The following MAP2K5 variants were observed in gnomAD, a reference collection of about 807,000 sequenced individuals.
MAP2K5 encodes the protein mitogen-activated protein kinase kinase 5, also known as dual specificity mitogen-activated protein kinase kinase 5.
Under a neutral mutation model 83.1 loss-of-function variants are expected in MAP2K5, and 49 were observed. The ratio of observed to expected loss-of-function variants is 0.59; its 90% CI spans 0.47 to 0.75. MAP2K5 has a LOEUF of 0.75. MAP2K5 is among the 30% of genes least tolerant of loss of function. The pLI is 0.00. For synonymous variants in MAP2K5, 202 were observed against 191.8 expected, an observed-to-expected ratio of 1.05 and a Z score of -0.44; for missense variants, 457 against 557.5, an observed-to-expected ratio of 0.82 and a Z score of 1.82.
At position 67,719,682 on chromosome 15, in the gene MAP2K5, A is replaced by G. The variant is rs930679717; in HGVS notation, c.1045-8234A>G. 1.3e-5 allele frequency among the ~76,000 whole-genome samples: 2 copies of G among 152,224 alleles called. No individual in the cohort carries two copies. Among genetic ancestry groups the G allele is most frequent in the Non-Finnish European group, 2.9e-5 (2 of 68,040 alleles). ...AGAGGAGAAAAGGAGGAACAATTTG[A>G]ATCAAGTCCTGAAAGAATAGGTAGG... On this transcript the variant is annotated intron_variant, in intron 16 of 21. Transcript: ENST00000178640. The surrounding 1 kb of genome is among the most constrained non-coding windows in gnomAD (Gnocchi z 4.6).
At position 67,637,471 on chromosome 15, in the gene MAP2K5, G is replaced by T. The variant is rs1454971914; in HGVS notation, c.585+6544G>T. ...TACTCTACCTGGTGCCTTGCAAATT[G>T]CAAGGTTTTTCCACACTGACTGGTG... On this transcript the variant is annotated intron_variant, in intron 9 of 21. Coordinates refer to ENST00000178640, the MANE Select transcript of MAP2K5 (RefSeq NM_145160.3). The surrounding 1 kb of genome is among the most constrained non-coding windows in gnomAD (Gnocchi z 4.5). Among the ~76,000 whole-genome samples, 2 of 152,116 alleles carry T rather than the reference G, an allele frequency of 1.3e-5. No individual in the cohort carries two copies. Among genetic ancestry groups the T allele is most frequent in the Non-Finnish European group, 2.9e-5 (2 of 68,006 alleles).
chr15:67,634,570 A>G (rs1230920034), intron 9 of MAP2K5, among the ~76,000 whole-genome samples: 1 of 151,978 alleles, frequency 6.6e-6, no homozygotes, highest in Non-Finnish European at 1.5e-5. Context: ...TGTGGCCTAC[A>G]GTTCTGTTAT....
chr15:67,740,227 G>A (rs1834222248), intron 17 of MAP2K5, among the ~76,000 whole-genome samples: 1 of 152,174 alleles, frequency 6.6e-6, no homozygotes, highest in Non-Finnish European at 1.5e-5. Context: ...GCCTGGCATA[G>A]CATAAGGACT....
Position 67,703,381 on chromosome 15 carries a change from C to T in MAP2K5, c.1017C>T (p.Val339=), listed in dbSNP as rs1445458141. 1 of 1,613,548 alleles carries T rather than the reference C, an allele frequency of 6.2e-7. No individual in the cohort carries two copies. Among genetic ancestry groups the T allele is most frequent in the Non-Finnish European group, 8.5e-7 (1 of 1,179,682 alleles). ...AGCAGTATGGAATTCATTCTGATGT[C>T]TGGAGCTTAGGAATCTCTTTTATGG... is the stretch of plus-strand genomic sequence containing the variant. ...SGEQYGIHSD[V]WSLGISFMEL... The change falls in exon 16 of 22, where the codon GTC becomes GTT. Residue 339 remains valine (V), a synonymous_variant. Coordinates refer to ENST00000178640, the MANE Select transcript of MAP2K5 (RefSeq NM_145160.3).
chr15:67,663,353 A>G (rs2087286016), intron 12 of MAP2K5, among the ~76,000 whole-genome samples: 3 of 152,176 alleles, frequency 2.0e-5, no homozygotes, highest in African/African-American at 7.2e-5. Context: ...ATGTCTCTCT[A>G]ATGCCTCAGT....
At chr15:67,671,924 G>T in intron 13 of MAP2K5, among the ~76,000 whole-genome samples, 1 of 150,018 alleles carries the variant, frequency 6.7e-6, no homozygotes, top group South Asian at 2.1e-4. Flanking sequence ...TTGGTTTTTT[G>T]TCCTCATGAT....
chr15:67,748,315 T>C lies in MAP2K5; in HGVS notation c.1101+58T>C. On this transcript the variant is annotated intron_variant, in intron 18 of 21. Coordinates refer to ENST00000178640, the MANE Select transcript of MAP2K5 (RefSeq NM_145160.3). The surrounding 1 kb of genome is among the most constrained non-coding windows in gnomAD (Gnocchi z 4.0). ...TTTCTTTTTCCTGATGGCTGCTTCC[T>C]TTGCATGCTTGAATGCCTTGTTTTA... 2 of 1,409,110 alleles carry C rather than the reference T, an allele frequency of 1.4e-6. No homozygotes were observed. Among genetic ancestry groups the C allele is most frequent in the Non-Finnish European group, 1.0e-6 (1 of 997,076 alleles). The allele number at this position is 1,409,110 out of a possible 1,614,324, so 87.3% of individuals were successfully genotyped here. A position where few individuals can be genotyped will look rare whatever the true frequency, so the allele number is the denominator to read the frequency against.
chr15:67,748,515 G>T lies in MAP2K5; in HGVS notation c.1102-54G>T. 1 of 1,528,850 alleles carries T rather than the reference G, an allele frequency of 6.5e-7. No individual in the cohort carries two copies. The highest frequency in any genetic ancestry group is 9.0e-7 in the Non-Finnish European group (1 of 1,107,186). The allele number at this position is 1,528,850 out of a possible 1,614,324, so 94.7% of individuals were successfully genotyped here. A position where few individuals can be genotyped will look rare whatever the true frequency, so the allele number is the denominator to read the frequency against. On this transcript the variant is annotated intron_variant, in intron 18 of 21. Coordinates refer to ENST00000178640, the MANE Select transcript of MAP2K5 (RefSeq NM_145160.3). This position sits in a 1 kb window ranked among gnomAD's most constrained non-coding sequence, Gnocchi z 4.0. ...AATGATTTTTTCTTTCCACTCCACT[G>T]TAAAGATATTGCATAGAGGCTAATA...
At chr15:67,629,183 G>C in intron 8 of MAP2K5, 1 of 682,660 alleles carries the variant, frequency 1.5e-6, no homozygotes, top group Non-Finnish European at 2.7e-6. Context: ...CTAGAGAAGT[G>C]ACGGGGAAGC....
chr15:67,550,066 A>C lies in MAP2K5; in HGVS notation c.168A>C (p.Thr56=). ...TAGGCCAGGTTCTGCCTGAAGCAAC[A>C]ACTACAGCATTTGAATGTAAGTCTG... ...DVIGQVLPEA[T]TTAFEYEDED... is the part of the protein sequence containing the mutation. The change falls in exon 2 of 22, where the codon ACA becomes ACC. Residue 56 remains threonine (T), a synonymous_variant. Transcript: ENST00000178640. The C allele has an allele frequency of 6.2e-7, 1 of 1,613,758 alleles. No individual in the cohort carries two copies. Among genetic ancestry groups the C allele is most frequent in the Non-Finnish European group, 8.5e-7 (1 of 1,179,718 alleles).
chr15:67,788,537 A>G (rs2090458395), intron 21 of MAP2K5, among the ~76,000 whole-genome samples: 1 of 152,264 alleles, frequency 6.6e-6, no homozygotes, highest in Non-Finnish European at 1.5e-5. Context: ...AATAGTGACC[A>G]ATTTACTGTT....
Position 67,758,719 on chromosome 15 carries a change from G to T in MAP2K5, c.1134+10118G>T, listed in dbSNP as rs187896171. 6.6e-6 allele frequency among the ~76,000 whole-genome samples: 1 copy of T among 152,196 alleles called. No homozygotes were observed. Among genetic ancestry groups the T allele is most frequent in the East Asian group, 1.9e-4 (1 of 5,184 alleles). On this transcript the variant is annotated intron_variant, in intron 19 of 21. Transcript: ENST00000178640. The surrounding 1 kb of genome is among the most constrained non-coding windows in gnomAD (Gnocchi z 4.7). ...TCTCTACCAGAATTCAGAAGTCTAAGCCTTAACCTTTGTGGTTTACACAGT... is the reference window on the plus strand; with the variant it reads ...TCTCTACCAGAATTCAGAAGTCTAATCCTTAACCTTTGTGGTTTACACAGT...
intron 11 of MAP2K5, among the ~76,000 whole-genome samples, chr15:67,656,908 CT>C (rs1238497665): frequency 1.3e-5 from 2 of 152,130 alleles, no homozygotes; most frequent in Non-Finnish European, 2.9e-5. Context: ...ATAAGAATTA[CT>C]GAATTGCAGA....
In MAP2K5 at chr15:67,550,020, C is replaced by G; in HGVS notation, c.136-14C>G. 6.2e-7 allele frequency: 1 copy of G among 1,608,246 alleles called. No individual in the cohort carries two copies. The highest frequency in any genetic ancestry group is 8.5e-7 in the Non-Finnish European group (1 of 1,174,954). ...AGATGGCTAATTGTGTTTCTTTATT[C>G]TTTCTTTGTTTAGGATGTGATAGGC... is the stretch of plus-strand genomic sequence containing the variant. On this transcript the variant is annotated splice_polypyrimidine_tract_variant and intron_variant, in intron 1 of 21. Coordinates refer to ENST00000178640, the MANE Select transcript of MAP2K5 (RefSeq NM_145160.3).
chr15:67,583,013 AT>A (rs774111975), intron 4 of MAP2K5, among the ~76,000 whole-genome samples: 34 of 152,054 alleles, frequency 2.2e-4, no homozygotes, highest in Non-Finnish European at 4.4e-4. Flanking sequence ...AATCACAACC[AT>A]TTTTAGATGT....
At chr15:67,745,830 A>G (rs1484850516) in intron 17 of MAP2K5, among the ~76,000 whole-genome samples, 1 of 152,234 alleles carries the variant, frequency 6.6e-6, no homozygotes, top group Non-Finnish European at 1.5e-5. Flanking sequence ...GATATAAGTC[A>G]CTGCATTGTG....
chr15:67,806,568 T>C (rs2090812277), intron 21 of MAP2K5, 78 bp from the exon 22 acceptor site: 1 of 1,265,110 alleles, frequency 7.9e-7, no homozygotes, highest in Non-Finnish European at 1.1e-6. Context: ...AGATCCAGGC[T>C]GAGGGCAGGC....
intron 8 of MAP2K5, chr15:67,629,199 G>A (rs2086403512): frequency 1.5e-6 from 1 of 657,026 alleles, no homozygotes; most frequent in African/African-American, 1.8e-5. Flanking sequence ...GAAGCTACAG[G>A]TTACAACAGA....
chr15:67,778,507 G>A lies in MAP2K5; in HGVS notation c.1242+5755G>A, dbSNP rs1180042054. The stretch of plus-strand genomic sequence containing the variant: ...ATTTTATTTAGGGCTATTGCAGTAG[G>A]GAGAGTGTTTATTAATGAGGAATGG... On this transcript the variant is annotated intron_variant, in intron 21 of 21. Transcript: ENST00000178640. The surrounding 1 kb of genome is among the most constrained non-coding windows in gnomAD (Gnocchi z 5.0). Among the ~76,000 whole-genome samples the A allele has an allele frequency of 6.6e-6, 1 of 152,180 alleles. No individual in the cohort carries two copies. Among genetic ancestry groups the A allele is most frequent in the African/African-American group, 2.4e-5 (1 of 41,434 alleles).
Sources: allele counts gnomAD v4.1 joint callset (sites outside exome capture counted in the v4.1 genomes callset), GRCh38; gene constraint gnomAD v4.1.1; non-coding constraint Gnocchi (gnomAD v3.1); transcripts MANE v1.5; gene names NCBI Gene and HGNC (gene_info 2026-07-23, HGNC 2026-07-21).